Variants in PLS3 observed in about 807,000 individuals in gnomAD.
The protein encoded by PLS3 is plastin 3, also known as plastin-3.
Under a neutral mutation model 46.5 loss-of-function variants are expected in PLS3, and 11 were observed. That is an observed-to-expected ratio of 0.24 (90% CI 0.15 to 0.39). PLS3 has a LOEUF of 0.39. Ranked by LOEUF, PLS3 falls within the 10% of genes least tolerant of loss-of-function variation. The pLI is 1.00. For synonymous variants in PLS3, 167 were observed against 162.2 expected (o/e 1.03, Z -0.22); for missense variants, 308 against 461.8 (o/e 0.67, Z 3.05).
chrX:115,631,861 T>C (rs1556639461), intron 5 of PLS3, among the ~76,000 whole-genome samples: 4 of 111,677 alleles, frequency 3.6e-5, no homozygotes, highest in Admixed American at 2.9e-4. Flanking sequence ...TGGAGTGTAG[T>C]GGCGTGACCT....
chrX:115,569,196 G>A (rs782123340), intron 1 of PLS3, among the ~76,000 whole-genome samples: 39 of 111,557 alleles, frequency 3.5e-4, no homozygotes, highest in Admixed American at 3.1e-3. Context: ...AGAGCAGGAT[G>A]AGGTAGGATT....
intron 1 of PLS3, among the ~76,000 whole-genome samples, chrX:115,566,899 G>A (rs2074178389): frequency 9.1e-6 from 1 of 109,377 alleles, no homozygotes; most frequent in African/African-American, 3.3e-5. Context: ...GGCTGGTCTA[G>A]AATTCCTGAC....
chrX:115,633,474 TTTTATTTA>T (rs781866495), intron 5 of PLS3, among the ~76,000 whole-genome samples: 1 of 109,302 alleles, frequency 9.1e-6, no homozygotes, highest in Non-Finnish European at 1.9e-5. Context: ...CTGGCCAGGG[TTTTATTTA>T]TTTATTTATT....
intron 1 of PLS3, among the ~76,000 whole-genome samples, chrX:115,587,156 GC>G (rs782126712): frequency 8.9e-5 from 10 of 112,272 alleles, no homozygotes; most frequent in Admixed American, 3.8e-4. Context: ...CAAGATAGTG[GC>G]CCCACACTGT....
At chrX:115,630,232 C>A (rs1031464052) in intron 5 of PLS3, among the ~76,000 whole-genome samples, 3 of 111,213 alleles carry the variant, frequency 2.7e-5, no homozygotes, top group Non-Finnish European at 5.6e-5. Flanking sequence ...CTTTGTTGAA[C>A]TTAAGTATGT....
At chrX:115,623,380 G>T (rs1556637961) in intron 3 of PLS3, among the ~76,000 whole-genome samples, 1 of 110,427 alleles carries the variant, frequency 9.1e-6, no homozygotes, top group African/African-American at 3.3e-5. Flanking sequence ...AATTAGCCCA[G>T]CCTGGTAGCT....
intron 1 of PLS3, chrX:115,593,416 C>G (rs1484569664): frequency 9.0e-6 from 1 of 110,714 alleles, no homozygotes; most frequent in Non-Finnish European, 1.9e-5. Flanking sequence ...AAATTCTCTG[C>G]AAAATACCGC....
At chrX:115,591,069 G>A (rs1409481503) in intron 1 of PLS3, among the ~76,000 whole-genome samples, 1 of 110,299 alleles carries the variant, frequency 9.1e-6, no homozygotes, top group African/African-American at 3.3e-5. Flanking sequence ...AACCCGGGAG[G>A]TGGAGCTTGC....
chrX:115,639,018 A>G (rs782065288), intron 8 of PLS3, among the ~76,000 whole-genome samples: 1 of 111,680 alleles, frequency 9.0e-6, no homozygotes, highest in African/African-American at 3.2e-5. Flanking sequence ...CCGGCCATCA[A>G]TATTTTTAAA....
intron 1 of PLS3, among the ~76,000 whole-genome samples, chrX:115,563,758 T>C (rs2074154877): frequency 9.0e-6 from 1 of 111,704 alleles, no homozygotes; most frequent in Non-Finnish European, 1.9e-5. Context: ...TTAAAGCACA[T>C]TGTTCTGACC....
intron 1 of PLS3, chrX:115,562,747 C>G (rs1488982693): frequency 9.1e-6 from 1 of 110,469 alleles, no homozygotes; most frequent in African/African-American, 3.3e-5. Context: ...TCACGTGCCC[C>G]AAGTCTCTGA....
chrX:115,625,927 A>G (rs2074705999), intron 3 of PLS3, among the ~76,000 whole-genome samples: 1 of 112,371 alleles, frequency 8.9e-6, no homozygotes, highest in African/African-American at 3.2e-5. Context: ...CATAACGGAG[A>G]CTGAAAAAGA....
chrX:115,623,431 G>C (rs2074676643), intron 3 of PLS3, among the ~76,000 whole-genome samples: 1 of 111,573 alleles, frequency 9.0e-6, no homozygotes, highest in Non-Finnish European at 1.9e-5. Flanking sequence ...TGAGGCAGGA[G>C]GATTGCTCAA....
chrX:115,604,611 G>A (rs1293426466), intron 1 of PLS3, among the ~76,000 whole-genome samples: 2 of 111,371 alleles, frequency 1.8e-5, no homozygotes, highest in African/African-American at 6.5e-5. Flanking sequence ...CCTTGGGCGC[G>A]GTACAACAGC....
chrX:115,576,774 T>A (rs1556631249), intron 1 of PLS3, among the ~76,000 whole-genome samples: 1 of 111,858 alleles, frequency 8.9e-6, no homozygotes, highest in Non-Finnish European at 1.9e-5. Context: ...AAAGGTGGGC[T>A]GGAGTTAAGT....
intron 5 of PLS3, among the ~76,000 whole-genome samples, chrX:115,631,931 G>C (rs942455350): frequency 1.1e-4 from 12 of 110,106 alleles, no homozygotes; most frequent in Non-Finnish European, 2.1e-4. Flanking sequence ...AGCCTCCCGA[G>C]TAGCTGGGAC....
chrX:115,599,336 C>CAAAA (rs1226830291), intron 1 of PLS3, among the ~76,000 whole-genome samples: 346 of 32,376 alleles, frequency 0.011, 2 homozygotes, highest in African/African-American at 0.031. Flanking sequence ...CCTGTCTCTA[C>CAAAA]AAAAAAAAAA....
intron 1 of PLS3, among the ~76,000 whole-genome samples, chrX:115,605,757 T>C (rs1330417776): frequency 2.7e-5 from 3 of 111,539 alleles, no homozygotes; most frequent in African/African-American, 6.5e-5. Context: ...AGCCAGCACT[T>C]GCTAATTTTA....
intron 8 of PLS3, among the ~76,000 whole-genome samples, chrX:115,637,801 T>G (rs1401464950): frequency 8.9e-6 from 1 of 112,066 alleles, no homozygotes; most frequent in Non-Finnish European, 1.9e-5. Flanking sequence ...TGTGATGATA[T>G]GATTTTGTTC....
Sources: gnomAD v4.1 joint callset for allele counts (sites outside exome capture counted in the v4.1 genomes callset) on GRCh38, gnomAD v4.1.1 for gene constraint, MANE v1.5 for transcripts, NCBI Gene and HGNC (gene_info 2026-07-23, HGNC 2026-07-21) for gene names.